KCNQ2: variants seen among roughly 807,000 people sequenced by gnomAD.
The protein encoded by KCNQ2 is potassium voltage-gated channel subfamily KQT member 2.
KCNQ2 carries 14 observed loss-of-function variants against 84.8 expected under a neutral mutation model. The observed-to-expected ratio is 0.17, with a 90% CI of 0.11 to 0.26. The LOEUF is 0.26. Ranked by LOEUF, KCNQ2 falls within the 10% of genes least tolerant of loss-of-function variation. The pLI is 1.00. For synonymous variants in KCNQ2, 599 were observed against 554.1 expected, an observed-to-expected ratio of 1.08 and a Z score of -1.14; for missense variants, 788 against 1,254.0, an observed-to-expected ratio of 0.63 and a Z score of 5.61.
chr20:63,407,380 A>G lies in KCNQ2; in HGVS notation c.1888-5T>C. ...CTTCTTCTCCATGGACAAGACCTGC[A>G]AAAGGGGCTGCTGGGCTGGGGTGCG... On this transcript the variant is annotated splice_polypyrimidine_tract_variant and splice_region_variant and intron_variant, in intron 16 of 16. Transcript: ENST00000359125. The surrounding 1 kb of genome is among the most constrained non-coding windows in gnomAD (Gnocchi z 7.2). 6.3e-7 allele frequency: 1 copy of G among 1,597,758 alleles called. No individual in the cohort carries two copies. The highest frequency in any genetic ancestry group is 2.2e-5 in the East Asian group (1 of 44,854).
intron 11 of KCNQ2, chr20:63,423,949 A>C: frequency 1.8e-6 from 1 of 557,156 alleles, no homozygotes; most frequent in Non-Finnish European, 3.3e-6. Context: ...GCCCGGATCC[A>C]CAGTGCTGCA....
chr20:63,472,173 G>T lies in KCNQ2; in HGVS notation c.291C>A (p.Ala97=). ...GGGCCCCGCCGGCCACTCACACGTAGGCGTGGTAGATGAACGCCCAGCCGC... is the reference window on the plus strand; with the variant it reads ...GGGCCCCGCCGGCCACTCACACGTATGCGTGGTAGATGAACGCCCAGCCGC... ...RPRGWAFIYH[A]YVFLLVFSCL... Residue 97 remains alanine, a synonymous_variant, in exon 1 of 17, where the codon GCC becomes GCA. Transcript: ENST00000359125. The T allele has an allele frequency of 6.6e-7, 1 of 1,526,108 alleles. No individual in the cohort carries two copies. The allele number at this position is 1,526,108 out of a possible 1,614,324, so 94.5% of individuals were successfully genotyped here.
rs3787124 is a variant in KCNQ2, at chr20:63,421,700, C to T, written c.1248-2028G>A. On this transcript the variant is annotated intron_variant, in intron 11 of 16. Coordinates refer to ENST00000359125, the MANE Select transcript of KCNQ2 (RefSeq NM_172107.4). ...GAGCCCGAACAGGCACGGGGGAGCC[C>T]GCACAGGCATGAGGGGGCAGCCGGT... is the stretch of plus-strand genomic sequence containing the variant. Among the ~76,000 whole-genome samples the T allele has an allele frequency of 5.3e-5, 8 of 152,242 alleles. No individual in the cohort carries two copies. In the East Asian group the frequency reaches 1.4e-3, roughly 26 times the overall value.
At chr20:63,442,898 AT>A (rs2081247265) in intron 4 of KCNQ2, among the ~76,000 whole-genome samples, 1 of 108,008 alleles carries the variant, frequency 9.3e-6, no homozygotes, top group Non-Finnish European at 1.9e-5. Flanking sequence ...CATCACCACC[AT>A]CACCACCACC....
chr20:63,428,525 G>A (rs2080700313), intron 9 of KCNQ2, 90 bp from the exon 10 acceptor site: 14 of 1,129,948 alleles, frequency 1.2e-5, no homozygotes, highest in Admixed American at 2.0e-5. Flanking sequence ...ATGGGCAGGC[G>A]CCTGCAGTGT....
intron 11 of KCNQ2, among the ~76,000 whole-genome samples, chr20:63,420,661 G>A (rs974316857): frequency 2.0e-5 from 3 of 152,140 alleles, no homozygotes; most frequent in African/African-American, 4.8e-5. Flanking sequence ...TCCGAGCGGC[G>A]TCACAGACAC....
At chr20:63,411,228 G>C (rs545065013) in intron 15 of KCNQ2, among the ~76,000 whole-genome samples, 3 of 152,196 alleles carry the variant, frequency 2.0e-5, no homozygotes. Context: ...TGCTGTGACC[G>C]TCTGTATCTT....
At chr20:63,442,298 G>T (rs2081183616) in intron 5 of KCNQ2, 108 bp downstream of exon 5, 3 of 1,550,776 alleles carry the variant, frequency 1.9e-6, no homozygotes, top group Non-Finnish European at 1.8e-6. Flanking sequence ...CCAGCAGGTG[G>T]CCCCAAAGAG....
Position 63,408,360 on chromosome 20 carries a change from G to A in KCNQ2, c.1887+53C>T, listed in dbSNP as rs1244541974. ...GAAGCCCACACTGCCACAGGTTGACGGCAGGCACCACAGCCCTCCAGCCCC... is the reference window on the plus strand; with the variant it reads ...GAAGCCCACACTGCCACAGGTTGACAGCAGGCACCACAGCCCTCCAGCCCC... On this transcript the variant is annotated intron_variant, in intron 16 of 16. Coordinates refer to ENST00000359125, the MANE Select transcript of KCNQ2 (RefSeq NM_172107.4). The surrounding 1 kb of genome is among the most constrained non-coding windows in gnomAD (Gnocchi z 5.0). The A allele has an allele frequency of 1.3e-5, 20 of 1,596,400 alleles. No homozygotes were observed. The highest frequency in any genetic ancestry group is 1.7e-5 in the Admixed American group (1 of 59,850).
chr20:63,423,230 G>A (rs950645010), intron 11 of KCNQ2, among the ~76,000 whole-genome samples: 2 of 152,202 alleles, frequency 1.3e-5, no homozygotes, highest in Admixed American at 1.3e-4. Flanking sequence ...GGGATGTGGG[G>A]TGGCTGGAAA....
intron 7 of KCNQ2, among the ~76,000 whole-genome samples, chr20:63,436,759 C>T (rs2081021392): frequency 6.7e-6 from 1 of 150,152 alleles, no homozygotes; most frequent in South Asian, 2.1e-4. Flanking sequence ...TAAGCTATGG[C>T]ATGGTATAAA....
chr20:63,451,307 T>C (rs1036542968), intron 1 of KCNQ2, among the ~76,000 whole-genome samples: 1 of 152,066 alleles, frequency 6.6e-6, no homozygotes. Context: ...TCTGGGCTGG[T>C]ATTAACCCTC....
At chr20:63,444,945 A>G (rs1335315367) in intron 3 of KCNQ2, 111 bp from the exon 4 acceptor site, 9 of 1,229,328 alleles carry the variant, frequency 7.3e-6, no homozygotes, top group Non-Finnish European at 1.0e-5. Flanking sequence ...GGGAAGGTGT[A>G]TGCCCAGCGC....
At chr20:63,445,416 G>C in intron 2 of KCNQ2, 52 bp from the exon 3 acceptor site, 1 of 1,603,958 alleles carries the variant, frequency 6.2e-7, no homozygotes, top group Non-Finnish European at 8.5e-7. Context: ...AGGGCCTGGG[G>C]GCCCAGCCTG....
At position 63,428,382 on chromosome 20, in the gene KCNQ2, G is replaced by T; in HGVS notation, c.1202C>A (p.Ser401Tyr). Residue 401 changes from serine (S) to tyrosine (Y), a missense_variant, in exon 10 of 17, where the codon TCT (serine) becomes TAT (tyrosine). Coordinates refer to ENST00000359125, the MANE Select transcript of KCNQ2 (RefSeq NM_172107.4). ...LELLRNLKSK[S>Y]GLAFRKDPPP... Reference sequence around the variant, plus strand: ...CCCAGCTGACCTGAAAGCGAGTCCAGATTTACTCTTGAGGTTCCTCAGCAG... The same window carrying T: ...CCCAGCTGACCTGAAAGCGAGTCCATATTTACTCTTGAGGTTCCTCAGCAG... 6.3e-7 allele frequency: 1 copy of T among 1,575,870 alleles called. No homozygotes were observed. The highest frequency in any genetic ancestry group is 8.6e-7 in the Non-Finnish European group (1 of 1,160,622).
At chr20:63,432,172 A>ATC (rs2080825472) in intron 8 of KCNQ2, among the ~76,000 whole-genome samples, 15 of 42,548 alleles carry the variant, frequency 3.5e-4, no homozygotes, top group Admixed American at 6.8e-4. Flanking sequence ...AGGGAAGGCC[A>ATC]CACCCACAGG....
chr20:63,419,228 G>A (rs944105423), intron 12 of KCNQ2, among the ~76,000 whole-genome samples: 3 of 151,902 alleles, frequency 2.0e-5, no homozygotes, highest in South Asian at 2.1e-4. Context: ...TGCCTCCCGC[G>A]GTCGAGGCAG....
chr20:63,461,393 C>A (rs2081942503), intron 1 of KCNQ2, among the ~76,000 whole-genome samples: 1 of 152,280 alleles, frequency 6.6e-6, no homozygotes, highest in South Asian at 2.1e-4. Flanking sequence ...AGCCACCCCC[C>A]ACCGATCATT....
At chr20:63,463,532 A>C (rs1241659650) in intron 1 of KCNQ2, among the ~76,000 whole-genome samples, 1 of 152,168 alleles carries the variant, frequency 6.6e-6, no homozygotes, top group Non-Finnish European at 1.5e-5. Flanking sequence ...ACCCGCACAC[A>C]GGGGCAGAAA....
Sources: gnomAD v4.1 joint callset for allele counts (sites outside exome capture counted in the v4.1 genomes callset) on GRCh38, gnomAD v4.1.1 for gene constraint, Gnocchi (gnomAD v3.1) non-coding constraint, MANE v1.5 for transcripts, NCBI Gene and HGNC (gene_info 2026-07-23, HGNC 2026-07-21) for gene names.